VPS13C: variants seen among roughly 807,000 people sequenced by gnomAD.
VPS13C encodes the protein intermembrane lipid transfer protein VPS13C.
Under a neutral mutation model 456.8 loss-of-function variants are expected in VPS13C, and 358 were observed. That is an observed-to-expected ratio of 0.78 (90% CI 0.72 to 0.86). VPS13C has a LOEUF of 0.86. Ranked by LOEUF, VPS13C falls within the 40% of genes least tolerant of loss-of-function variation. The pLI is 0.00. For missense variants in VPS13C, 4,818 were observed against 4,385.4 expected (o/e 1.10, Z -2.79); for synonymous variants, 1,578 against 1,486.7 (o/e 1.06, Z -1.41).
At chr15:62,033,340 A>G in intron 5 of VPS13C, 101 bp downstream of exon 5, 1 of 649,030 alleles carries the variant, frequency 1.5e-6, no homozygotes, top group East Asian at 3.4e-5. Flanking sequence ...ATGTCTTTAG[A>G]ACTTCAACTT....
In VPS13C at chr15:61,984,004, G is replaced by T; in HGVS notation, c.1730C>A (p.Ala577Glu). ...TGTTATATACCAGTGTTCTAATTTC[G>T]CTTCTACCCTATAATCCAATGAAGA... The part of the protein sequence containing the change: ...RPGAQALKVE[A>E]KLEHWYITGL... The change falls in exon 20 of 85, where the codon GCG becomes GAG. Residue 577 changes from alanine (A) to glutamate (E), a missense_variant. Ala to Glu is a moderately radical substitution (Grantham distance 107). Around this residue, in one of 3 missense-constraint regions of VPS13C, gnomAD observed 4,552 missense variants for 4,130.6 expected, o/e 1.10. Coordinates refer to ENST00000644861, the MANE Select transcript of VPS13C (RefSeq NM_020821.3). 1 of 1,612,532 alleles carries T rather than the reference G, an allele frequency of 6.2e-7. No individual in the cohort carries two copies. The highest frequency in any genetic ancestry group is 8.5e-7 in the Non-Finnish European group (1 of 1,179,350).
chr15:62,048,551 C>T (rs1362459240), intron 1 of VPS13C, among the ~76,000 whole-genome samples: 1 of 152,096 alleles, frequency 6.6e-6, no homozygotes, highest in Non-Finnish European at 1.5e-5. Flanking sequence ...GTGAATAGTG[C>T]CGCAATAAAC....
chr15:61,900,106 C>T (rs1386563107), intron 66 of VPS13C, among the ~76,000 whole-genome samples: 4 of 152,052 alleles, frequency 2.6e-5, no homozygotes, highest in East Asian at 1.9e-4. Flanking sequence ...ATTGATGGGA[C>T]GTATTTCAAA....
At chr15:61,994,704 C>T (rs551540399) in intron 16 of VPS13C, among the ~76,000 whole-genome samples, 1 of 152,142 alleles carries the variant, frequency 6.6e-6, no homozygotes, top group South Asian at 2.1e-4. Flanking sequence ...ATTCTCCTGC[C>T]TCAGTCTCCC....
rs917773692 is a variant in VPS13C, at chr15:61,853,964, C to A, written c.*493G>T. 24 of 154,898 alleles carry A rather than the reference C, an allele frequency of 1.5e-4. No homozygotes were observed. Among genetic ancestry groups the A allele is most frequent in the Non-Finnish European group, 2.7e-4 (19 of 70,044 alleles). The allele number at this position is 154,898 out of a possible 1,614,324, so 9.6% of individuals were successfully genotyped here. The stretch of plus-strand genomic sequence containing the variant: ...GGCTGAGGCAGTAGAACAGCTTGAA[C>A]CCGAGAGGCAGAGATTGCAGTGAGC... On this transcript the variant is annotated 3_prime_UTR_variant, in exon 85 of 85. Transcript: ENST00000644861.
intron 75 of VPS13C, 38 bp from the exon 76 acceptor site, chr15:61,875,883 C>T (rs199567822): frequency 1.5e-6 from 2 of 1,312,256 alleles, no homozygotes; most frequent in Non-Finnish European, 2.1e-6. Flanking sequence ...TCCTTCACAA[C>T]TATTGTAAGA....
chr15:62,037,488 GAATAT>G (rs1178313275), intron 3 of VPS13C, among the ~76,000 whole-genome samples: 1 of 102,720 alleles, frequency 9.7e-6, no homozygotes. Context: ...TATATTGTAA[GAATAT>G]AATAAATTTA....
intron 19 of VPS13C, among the ~76,000 whole-genome samples, chr15:61,984,449 T>C (rs1175038815): frequency 2.0e-5 from 3 of 152,236 alleles, no homozygotes; most frequent in Non-Finnish European, 4.4e-5. Flanking sequence ...TCGTGTAGCA[T>C]TAACTATGAG....
At position 61,984,942 on chromosome 15, in the gene VPS13C, TTTCTC is replaced by T; in HGVS notation, c.1631_1635del (p.Arg544LysfsTer29). The T allele has an allele frequency of 6.2e-7, 1 of 1,611,924 alleles. No homozygotes were observed. ...TTTAGTATTTCTGGAATATTCTTGTTTTCTCTTATCGTAACAGAGGTGCTTACTAA... is the reference window on the plus strand; with the variant it reads ...TTTAGTATTTCTGGAATATTCTTGTTTTATCGTAACAGAGGTGCTTACTAA... On this transcript the variant is annotated frameshift_variant, in exon 19 of 85. Transcript: ENST00000644861. LOFTEE classifies it high-confidence loss of function.
At chr15:62,037,341 TAATATATTATATATAA>T (rs1567137119) in intron 3 of VPS13C, among the ~76,000 whole-genome samples, 4 of 90,128 alleles carry the variant, frequency 4.4e-5, no homozygotes, top group African/African-American at 1.7e-4. Flanking sequence ...CATTTATATA[TAATATATTATATATAA>T]ATGTATATAA....
At chr15:62,017,297 C>T (rs1321839812) in intron 9 of VPS13C, among the ~76,000 whole-genome samples, 1 of 152,056 alleles carries the variant, frequency 6.6e-6, no homozygotes, top group African/African-American at 2.4e-5. Flanking sequence ...AAATTAGATC[C>T]CATTTGTCAA....
intron 27 of VPS13C, among the ~76,000 whole-genome samples, chr15:61,970,317 T>C (rs916750305): frequency 7.9e-5 from 12 of 152,112 alleles, no homozygotes; most frequent in Admixed American, 3.3e-4. Context: ...TGCACAAAAT[T>C]ACCCAGGTGA....
rs1368965041 is a variant in VPS13C at position 61,855,579 on chromosome 15, T to G, written c.11077-625A>C. ...GTAACAGTACTCACATCTATAGCTA[T>G]TAAATTTCACAGTAAATGTTCTTCT... On this transcript the variant is annotated intron_variant, in intron 83 of 84. Coordinates refer to ENST00000644861, the MANE Select transcript of VPS13C (RefSeq NM_020821.3). Among the ~76,000 whole-genome samples, 5 of 152,228 alleles carry G rather than the reference T, an allele frequency of 3.3e-5. No individual in the cohort carries two copies. In the East Asian group the frequency reaches 7.7e-4, roughly 24 times the overall value.
chr15:62,037,285 ATAT>A (rs2048060615), intron 3 of VPS13C, among the ~76,000 whole-genome samples: 1 of 72,424 alleles, frequency 1.4e-5, no homozygotes, highest in Non-Finnish European at 2.3e-5. Flanking sequence ...TATATTATAT[ATAT>A]TATATTATAT....
At chr15:61,991,165 A>G (rs1364356973) in intron 17 of VPS13C, 71 bp from the exon 18 acceptor site, 8 of 1,153,406 alleles carry the variant, frequency 6.9e-6, no homozygotes, top group Middle Eastern at 2.4e-4. Context: ...GACTAACCAA[A>G]CTAACAAGTA....
intron 66 of VPS13C, among the ~76,000 whole-genome samples, chr15:61,906,230 C>G (rs1408668244): frequency 6.6e-6 from 1 of 152,132 alleles, no homozygotes; most frequent in East Asian, 1.9e-4. Flanking sequence ...ACTGAGTGGA[C>G]AAGGACATAA....
chr15:61,914,306 C>A (rs2043394562), intron 61 of VPS13C, among the ~76,000 whole-genome samples: 1 of 152,044 alleles, frequency 6.6e-6, no homozygotes, highest in Non-Finnish European at 1.5e-5. Context: ...TGGTGGCTCA[C>A]ACCTGTAATC....
chr15:61,905,162 C>G lies in VPS13C; in HGVS notation c.9105+2102G>C, dbSNP rs62009102. Among the ~76,000 whole-genome samples, 483 of 152,230 alleles carry G rather than the reference C, an allele frequency of 3.2e-3. 2 individuals are homozygous for G. Among genetic ancestry groups the G allele is most frequent in the Non-Finnish European group, 4.8e-3 (323 of 67,980 alleles). ...GTTCCCAACATAAAGAGAAATGTTT[C>G]AGGTGATACGCCAATTACTCCAACT... On this transcript the variant is annotated intron_variant, in intron 66 of 84. Coordinates refer to ENST00000644861, the MANE Select transcript of VPS13C (RefSeq NM_020821.3).
intron 10 of VPS13C, among the ~76,000 whole-genome samples, chr15:62,013,395 C>T (rs554859756): frequency 6.6e-6 from 1 of 151,776 alleles, no homozygotes; most frequent in South Asian, 2.1e-4. Context: ...TAGTATTTAA[C>T]AGACCCTGTA....
Sources: allele counts gnomAD v4.1 joint callset (sites outside exome capture counted in the v4.1 genomes callset), GRCh38; gene constraint gnomAD v4.1.1; regional missense constraint gnomAD v4.1.1; transcripts MANE v1.5; gene names NCBI Gene and HGNC (gene_info 2026-07-23, HGNC 2026-07-21).